Variants in VMP1 observed in about 807,000 individuals in gnomAD.
VMP1 encodes the protein vacuole membrane protein 1.
In VMP1, 11 loss-of-function variants were observed where a neutral mutation model predicts 56.0. The ratio of observed to expected loss-of-function variants is 0.20; its 90% CI spans 0.12 to 0.32. VMP1 has a LOEUF of 0.32. Among genes scored for constraint, VMP1 ranks in the 10% least tolerant of loss-of-function variants. VMP1 has a pLI of 1.00. For synonymous variants in VMP1, 149 were observed against 165.0 expected (o/e 0.90, Z 0.74); for missense variants, 296 against 490.3 (o/e 0.60, Z 3.74).
chr17:59,789,508 G>A (rs913829008), intron 7 of VMP1, among the ~76,000 whole-genome samples: 3 of 151,614 alleles, frequency 2.0e-5, no homozygotes, highest in African/African-American at 4.9e-5. Flanking sequence ...GCACTCCAGC[G>A]TGGGTGACAA....
intron 10 of VMP1, among the ~76,000 whole-genome samples, chr17:59,833,011 A>C (rs2038868213): frequency 6.6e-6 from 1 of 152,130 alleles, no homozygotes; most frequent in Admixed American, 6.6e-5. Flanking sequence ...CAAGGTGCAC[A>C]GGGTTGCAAG....
Position 59,808,848 on chromosome 17 carries a change from G to A in VMP1, c.767G>A (p.Gly256Glu). The change falls in exon 8 of 12, where the codon GGA (glycine) becomes GAA (glutamate). Residue 256 changes from glycine (G) to glutamate (E), a missense_variant. Coordinates refer to ENST00000262291, the MANE Select transcript of VMP1 (RefSeq NM_030938.5). ...GTTCAAAAACTAGTACAGAAAGTTG[G>A]ATTTTTTGGAATTTTGGCCTGTGCT... ...LAVQKLVQKV[G>E]FFGILACASI... 1 of 1,613,940 alleles carries A rather than the reference G, an allele frequency of 6.2e-7. No homozygotes were observed. The highest frequency in any genetic ancestry group is 8.5e-7 in the Non-Finnish European group (1 of 1,179,970).
intron 3 of VMP1, among the ~76,000 whole-genome samples, chr17:59,736,944 G>A (rs1156928372): frequency 6.6e-6 from 1 of 152,140 alleles, no homozygotes; most frequent in Non-Finnish European, 1.5e-5. Context: ...GGGAGGCTGA[G>A]GCAGGAGAAT....
At chr17:59,779,051 C>G (rs1033027360) in intron 7 of VMP1, among the ~76,000 whole-genome samples, 2 of 152,178 alleles carry the variant, frequency 1.3e-5, no homozygotes, top group Non-Finnish European at 2.9e-5. Context: ...GGAGGCTAGG[C>G]TAAGCTATGA....
chr17:59,757,811 G>A (rs1598348305), intron 5 of VMP1, among the ~76,000 whole-genome samples: 1 of 141,356 alleles, frequency 7.1e-6, no homozygotes. Flanking sequence ...ACTTCGTCTA[G>A]AATAACTATA....
At chr17:59,764,291 T>C (rs954077021) in intron 5 of VMP1, among the ~76,000 whole-genome samples, 2 of 152,118 alleles carry the variant, frequency 1.3e-5, no homozygotes, top group African/African-American at 2.4e-5. Context: ...TGCCGGGGAC[T>C]AGGACTTGAG....
chr17:59,795,198 C>A (rs1436884061), intron 7 of VMP1, among the ~76,000 whole-genome samples: 3 of 152,020 alleles, frequency 2.0e-5, no homozygotes, highest in Non-Finnish European at 4.4e-5. Flanking sequence ...TGGTCTGGAA[C>A]TCCCGACCTC....
chr17:59,820,303 C>T (rs1202603130), intron 10 of VMP1, among the ~76,000 whole-genome samples: 4 of 152,132 alleles, frequency 2.6e-5, no homozygotes, highest in Non-Finnish European at 4.4e-5. Flanking sequence ...GATTTCTCAG[C>T]CTTGGCACTA....
Position 59,738,864 on chromosome 17 carries a change from C to A in VMP1, c.331C>A (p.Leu111Ile), listed in dbSNP as rs1255371042. The A allele has an allele frequency of 6.2e-7, 1 of 1,612,328 alleles. No homozygotes were observed. Residue 111 changes from leucine (L) to isoleucine (I), a missense_variant, in exon 5 of 12, where the codon CTT (leucine) becomes ATT (isoleucine). Physicochemically the swap from Leu to Ile is conservative, Grantham distance 5. This residue lies in a region of VMP1 where 126 missense variants were observed against 231.6 expected (regional missense o/e 0.54). Coordinates refer to ENST00000262291, the MANE Select transcript of VMP1 (RefSeq NM_030938.5). The stretch of plus-strand genomic sequence containing the variant: ...TGTGCAACGTATAGAGAAACAGTTT[C>A]TTTTGTATGCCTACTGGATAGGCTT... ...QYVQRIEKQF[L>I]LYAYWIGLGI...
At position 59,724,999 on chromosome 17, in the gene VMP1, C is replaced by A. The variant is rs1041580337; in HGVS notation, c.-26-6422C>A. ...AAACAAAAACAAAAAACAAAAAAAA[C>A]AACAAAAATTAGCCAGGTGTGGTAG... is the stretch of plus-strand genomic sequence containing the variant. On this transcript the variant is annotated intron_variant, in intron 1 of 11. Coordinates refer to ENST00000262291, the MANE Select transcript of VMP1 (RefSeq NM_030938.5). Among the ~76,000 whole-genome samples the A allele has an allele frequency of 2.3e-5, 3 of 128,246 alleles. No individual in the cohort carries two copies. The East Asian group carries it at 7.5e-4, about 32-fold the overall frequency. The allele number at this position is 128,246 out of a possible 152,430, so 84.1% of individuals were successfully genotyped here. A position where few individuals can be genotyped will look rare whatever the true frequency, so the allele number is the denominator to read the frequency against.
At chr17:59,815,799 T>C (rs1185359272) in intron 9 of VMP1, among the ~76,000 whole-genome samples, 3 of 140,612 alleles carry the variant, frequency 2.1e-5, no homozygotes, top group African/African-American at 8.1e-5. Context: ...GAGGTTGCAG[T>C]GAGCCCAGAT....
intron 7 of VMP1, among the ~76,000 whole-genome samples, chr17:59,781,532 T>C (rs2036822678): frequency 6.6e-6 from 1 of 152,208 alleles, no homozygotes; most frequent in Non-Finnish European, 1.5e-5. Context: ...CATCTCATTG[T>C]AGAAAATTGG....
At chr17:59,792,855 A>ACCTTGTT (rs1568157658) in intron 7 of VMP1, among the ~76,000 whole-genome samples, 3 of 54,548 alleles carry the variant, frequency 5.5e-5, no homozygotes, top group Non-Finnish European at 9.9e-5. Context: ...CATCTCAAAA[A>ACCTTGTT]ATAATAATAA....
chr17:59,775,205 A>G (rs2036577616), intron 7 of VMP1, among the ~76,000 whole-genome samples: 2 of 152,076 alleles, frequency 1.3e-5, no homozygotes, highest in Non-Finnish European at 2.9e-5. Context: ...TGGCCTCCCA[A>G]AGTGCTGGGA....
rs541154573 is a variant in VMP1, at chr17:59,822,119, A to G, written c.974+4346A>G. Among the ~76,000 whole-genome samples, 7 of 152,008 alleles carry G rather than the reference A, an allele frequency of 4.6e-5. No individual in the cohort carries two copies. The South Asian group carries it at 1.5e-3, about 32-fold the overall frequency. ...AGCCTTCCAAAGTGCTGCGATTACA[A>G]GAGTGAGCCACTGTGCCCGGCCATT... On this transcript the variant is annotated intron_variant, in intron 10 of 11. Coordinates refer to ENST00000262291, the MANE Select transcript of VMP1 (RefSeq NM_030938.5).
chr17:59,817,836 C>A, intron 10 of VMP1, 63 bp downstream of exon 10: 1 of 1,288,062 alleles, frequency 7.8e-7, no homozygotes, highest in Non-Finnish European at 1.1e-6. Flanking sequence ...TAAATGTGTA[C>A]AAGACTGAAT....
intron 7 of VMP1, among the ~76,000 whole-genome samples, chr17:59,804,060 A>G (rs939526051): frequency 6.6e-6 from 1 of 151,942 alleles, no homozygotes; most frequent in African/African-American, 2.4e-5. Context: ...GCAAATGAGA[A>G]TATATATATT....
At chr17:59,791,575 A>G (rs1302565932) in intron 7 of VMP1, among the ~76,000 whole-genome samples, 1 of 139,928 alleles carries the variant, frequency 7.1e-6, no homozygotes, top group African/African-American at 2.7e-5. Context: ...GGTTCAAGTG[A>G]TTCTCCTGCC....
intron 10 of VMP1, among the ~76,000 whole-genome samples, chr17:59,832,236 C>T (rs891787601): frequency 7.6e-6 from 1 of 131,040 alleles, no homozygotes; most frequent in African/African-American, 3.0e-5. Flanking sequence ...AATCTCAGCT[C>T]ATTGCAGCCT....
Sources: gnomAD v4.1 joint callset for allele counts (sites outside exome capture counted in the v4.1 genomes callset) on GRCh38, gnomAD v4.1.1 for gene constraint, gnomAD v4.1.1 regional missense constraint, MANE v1.5 for transcripts, NCBI Gene and HGNC (gene_info 2026-07-23, HGNC 2026-07-21) for gene names.